Variants in EZH2 observed in about 807,000 individuals in gnomAD.
The protein encoded by EZH2 is enhancer of zeste 2 polycomb repressive complex 2 subunit.
A neutral mutation model predicts 98.4 loss-of-function variants in EZH2; 18 were observed. The observed-to-expected ratio is 0.18, with a 90% CI of 0.13 to 0.27. The LOEUF (loss-of-function observed/expected upper bound fraction) is 0.27. Ranked by LOEUF, EZH2 falls within the 10% of genes least tolerant of loss-of-function variation. EZH2 has a pLI of 1.00. For synonymous variants in EZH2, 338 were observed against 312.3 expected (o/e 1.08, Z -0.87); for missense variants, 470 against 935.1 (o/e 0.50, Z 6.49).
chr7:148,875,959 C>T (rs576420433), intron 1 of EZH2: 1 of 152,242 alleles, frequency 6.6e-6, no homozygotes, highest in East Asian at 1.9e-4. Flanking sequence ...AGTTGGAAAC[C>T]ATCCTGGGCG....
intron 9 of EZH2, chr7:148,818,838 A>G: frequency 3.0e-6 from 1 of 336,152 alleles, no homozygotes; most frequent in South Asian, 2.5e-5. Flanking sequence ...GCCAAACAAA[A>G]TTCTGCCTTG....
chr7:148,813,628 CTAGA>C (rs753594782), intron 15 of EZH2, among the ~76,000 whole-genome samples: 25 of 150,174 alleles, frequency 1.7e-4, no homozygotes, highest in Non-Finnish European at 2.9e-4. Context: ...ATTAAGGATA[CTAGA>C]TAAACTATTA....
chr7:148,839,168 C>T (rs1295812907), intron 3 of EZH2, among the ~76,000 whole-genome samples: 2 of 152,030 alleles, frequency 1.3e-5, no homozygotes, highest in Admixed American at 6.6e-5. Flanking sequence ...AGGTCTTGCT[C>T]GAGTGGTAGA....
rs767022162 is a variant in EZH2 at position 148,815,086 on chromosome 7, A to T, written c.1547-47T>A. On this transcript the variant is annotated intron_variant, in intron 13 of 19. Coordinates refer to ENST00000320356, the MANE Select transcript of EZH2 (RefSeq NM_004456.5). ...CAGGCCAATGAATCCAGGGAGATGG[A>T]AACGATCATACACAATTAACACGAG... The T allele has an allele frequency of 5.6e-6, 9 of 1,600,342 alleles. No homozygotes were observed. In the Admixed American group the frequency reaches 1.5e-4, roughly 27 times the overall value.
intron 1 of EZH2, among the ~76,000 whole-genome samples, chr7:148,852,877 T>C (rs774845127): frequency 4.6e-5 from 7 of 152,124 alleles, no homozygotes; most frequent in Admixed American, 6.5e-5. Flanking sequence ...TTCCTCCATA[T>C]CCACGGAGGA....
At chr7:148,863,186 T>C (rs1295624686) in intron 1 of EZH2, among the ~76,000 whole-genome samples, 1 of 151,852 alleles carries the variant, frequency 6.6e-6, no homozygotes, top group Non-Finnish European at 1.5e-5. Context: ...CCAGACATCA[T>C]ACGAATCCGA....
At chr7:148,861,002 A>G (rs1178060298) in intron 1 of EZH2, among the ~76,000 whole-genome samples, 1 of 151,902 alleles carries the variant, frequency 6.6e-6, no homozygotes, top group Non-Finnish European at 1.5e-5. Context: ...AAACTGTTAT[A>G]GCAAGCCCTC....
chr7:148,810,278 A>G, intron 17 of EZH2, 55 bp downstream of exon 17: 1 of 1,349,280 alleles, frequency 7.4e-7, no homozygotes, highest in Admixed American at 1.7e-5. Context: ...CTCGGCCGGC[A>G]GAAGGCTGCC....
intron 3 of EZH2, among the ~76,000 whole-genome samples, chr7:148,845,356 G>A (rs1281675287): frequency 1.3e-5 from 2 of 152,274 alleles, no homozygotes; most frequent in African/African-American, 4.8e-5. Context: ...GCTCTGGCCT[G>A]TACCAGATGA....
intron 1 of EZH2, among the ~76,000 whole-genome samples, chr7:148,863,763 G>C (rs1563059010): frequency 6.6e-6 from 1 of 152,196 alleles, no homozygotes. Flanking sequence ...AGTGCTAGAA[G>C]AAACTTCTGT....
At chr7:148,860,437 G>A (rs1453856535) in intron 1 of EZH2, among the ~76,000 whole-genome samples, 3 of 152,106 alleles carry the variant, frequency 2.0e-5, no homozygotes, top group African/African-American at 7.2e-5. Flanking sequence ...AGACAACTGA[G>A]CCCTAAATCA....
At chr7:148,849,104 T>A (rs1463423267) in intron 1 of EZH2, among the ~76,000 whole-genome samples, 2 of 152,176 alleles carry the variant, frequency 1.3e-5, no homozygotes, top group African/African-American at 4.8e-5. Context: ...GATGCAACCA[T>A]CTTTTTTTTT....
chr7:148,824,077 G>A (rs1371649394), intron 8 of EZH2, among the ~76,000 whole-genome samples: 4 of 152,166 alleles, frequency 2.6e-5, no homozygotes, highest in African/African-American at 7.2e-5. Context: ...CACTTTGGGA[G>A]GCCAGGGCAG....
At chr7:148,868,793 T>C (rs1172049221) in intron 1 of EZH2, among the ~76,000 whole-genome samples, 2 of 152,226 alleles carry the variant, frequency 1.3e-5, no homozygotes, top group Admixed American at 1.3e-4. Flanking sequence ...TCTCATTCTT[T>C]ATTTGAATAG....
intron 4 of EZH2, among the ~76,000 whole-genome samples, chr7:148,830,708 T>C (rs1433103233): frequency 1.3e-5 from 2 of 152,162 alleles, no homozygotes; most frequent in Admixed American, 1.3e-4. Context: ...TTATCAAGCT[T>C]TGGAAGACAA....
chr7:148,819,470 A>C (rs1805425017), intron 9 of EZH2, 126 bp downstream of exon 9: 1 of 694,828 alleles, frequency 1.4e-6, no homozygotes, highest in Non-Finnish European at 2.5e-6. Context: ...TGGGTGAGAA[A>C]GCTCTGTCTA....
intron 1 of EZH2, among the ~76,000 whole-genome samples, chr7:148,874,408 A>C (rs1327473628): frequency 6.6e-6 from 1 of 151,990 alleles, no homozygotes; most frequent in Non-Finnish European, 1.5e-5. Flanking sequence ...GCAAAGAAAA[A>C]AAAAACACCT....
intron 3 of EZH2, among the ~76,000 whole-genome samples, chr7:148,839,712 T>G (rs1290584627): frequency 2.6e-5 from 4 of 151,960 alleles, no homozygotes; most frequent in Non-Finnish European, 4.4e-5. Context: ...GCCCAGCTAA[T>G]TTTTTTGTAT....
At position 148,818,760 on chromosome 7, in the gene EZH2, T is replaced by C. The variant is rs79217898; in HGVS notation, c.1000-643A>G. 2.7e-3 allele frequency among the ~76,000 whole-genome samples: 410 copies of C among 152,208 alleles called. 5 individuals are homozygous for C. Among genetic ancestry groups the C allele is most frequent in the East Asian group, 9.7e-3 (50 of 5,180 alleles). On this transcript the variant is annotated intron_variant, in intron 9 of 19. Coordinates refer to ENST00000320356, the MANE Select transcript of EZH2 (RefSeq NM_004456.5). ...CATCTTGCATTATGAAGTACAATAA[T>C]CCAGTCTCAAAGTATAAAACAATGG...
Sources: gnomAD v4.1 joint callset for allele counts (sites outside exome capture counted in the v4.1 genomes callset) on GRCh38, gnomAD v4.1.1 for gene constraint, MANE v1.5 for transcripts, NCBI Gene and HGNC (gene_info 2026-07-23, HGNC 2026-07-21) for gene names.